The following TMEM233 variants were observed in gnomAD, a reference collection of about 807,000 sequenced individuals.
TMEM233 encodes the protein dispanin subfamily B member 2.
Under a neutral mutation model 11.2 loss-of-function variants are expected in TMEM233, and 6 were observed. The observed-to-expected ratio is 0.54, with a 90% confidence interval of 0.29 to 1.06. TMEM233 has a LOEUF of 1.06. TMEM233 is among the 50% of genes least tolerant of loss of function. The pLI is 0.08. For missense variants in TMEM233, 127 were observed against 144.7 expected (o/e 0.88, Z 0.63); for synonymous variants, 59 against 55.8 (o/e 1.06, Z -0.26).
chr12:119,618,186 T>G (rs568906582), intron 1 of TMEM233, among the ~76,000 whole-genome samples: 3 of 152,286 alleles, frequency 2.0e-5, no homozygotes, highest in Non-Finnish European at 1.5e-5. Flanking sequence ...CCTGAGGGTG[T>G]GCAGAAGACA....
At position 119,621,318 on chromosome 12, in the gene TMEM233, C is replaced by T. The variant is rs1954638115; in HGVS notation, c.187-8418C>T. On this transcript the variant is annotated intron_variant, in intron 1 of 2. Transcript: ENST00000426426. ...CCTCCCAAAGTGTTGGGATTACAGG[C>T]ATGAATCACTGCACCTGGCATCCAG... 4.6e-5 allele frequency among the ~76,000 whole-genome samples: 7 copies of T among 152,234 alleles called. No individual in the cohort carries two copies. In the South Asian group the frequency reaches 1.5e-3, roughly 32 times the overall value.
At chr12:119,616,853 G>A (rs1024091280) in intron 1 of TMEM233, among the ~76,000 whole-genome samples, 2 of 152,136 alleles carry the variant, frequency 1.3e-5, no homozygotes, top group Admixed American at 6.5e-5. Context: ...TTCCCCCTTC[G>A]CTCAGCACTC....
Position 119,593,936 on chromosome 12 carries a change from G to A in TMEM233, c.88G>A (p.Asp30Asn), listed in dbSNP as rs1353951298. The A allele has an allele frequency of 4.5e-6, 7 of 1,551,768 alleles. No homozygotes were observed. The highest frequency in any genetic ancestry group is 1.4e-5 in the African/African-American group (1 of 73,190). ...CACTGAAGATGACAAGACCGAGGAG[G>A]ACGTGCCCATGCCCAAGAACTACCT... ...ANTEDDKTEE[D>N]VPMPKNYLWL... The change falls in exon 1 of 3, where the codon GAC becomes AAC. Residue 30 changes from aspartate (D) to asparagine (N), a missense_variant. Physicochemically the swap from Asp to Asn is conservative, Grantham distance 23. Coordinates refer to ENST00000426426, the MANE Select transcript of TMEM233 (RefSeq NM_001136534.3). The surrounding 1 kb of genome is among the most constrained non-coding windows in gnomAD (Gnocchi z 4.1).
chr12:119,630,626 G>C (rs1954859433), intron 2 of TMEM233, among the ~76,000 whole-genome samples: 1 of 152,212 alleles, frequency 6.6e-6, no homozygotes, highest in African/African-American at 2.4e-5. Flanking sequence ...TTCAGATCTA[G>C]AACATGAGGT....
At position 119,643,069 on chromosome 12, in the gene TMEM233, C is replaced by T. The variant is rs184900008; in HGVS notation, c.*2364C>T. The T allele has an allele frequency of 9.9e-4, 151 of 152,314 alleles. No homozygotes were observed. Among genetic ancestry groups the T allele is most frequent in the African/African-American group, 3.6e-3 (148 of 41,566 alleles). 9.4% of individuals were successfully genotyped at this position (152,314 alleles called of 1,614,324 possible). ...AGAATAAAAATGGTTTTAAGTAAGC[C>T]TGTGTACCACAGTGTGTGAATTGTG... On this transcript the variant is annotated 3_prime_UTR_variant, in exon 3 of 3. Coordinates refer to ENST00000426426, the MANE Select transcript of TMEM233 (RefSeq NM_001136534.3).
intron 1 of TMEM233, among the ~76,000 whole-genome samples, chr12:119,605,576 G>A (rs143859147): frequency 0.015 from 2,217 of 151,752 alleles, 64 homozygotes; most frequent in African/African-American, 0.051. Context: ...CTATAGGCAC[G>A]CACCACCATG....
At chr12:119,623,379 C>T (rs1052974981) in intron 1 of TMEM233, among the ~76,000 whole-genome samples, 2 of 152,046 alleles carry the variant, frequency 1.3e-5, no homozygotes, top group Non-Finnish European at 2.9e-5. Context: ...TAATTCTAAA[C>T]TGGATTATGA....
At chr12:119,621,940 G>A (rs1954652407) in intron 1 of TMEM233, among the ~76,000 whole-genome samples, 1 of 152,116 alleles carries the variant, frequency 6.6e-6, no homozygotes, top group African/African-American at 2.4e-5. Context: ...ATCTGTTCCT[G>A]GAAAACAAAC....
intron 1 of TMEM233, among the ~76,000 whole-genome samples, chr12:119,615,971 G>A (rs1668887538): frequency 6.6e-6 from 1 of 152,176 alleles, no homozygotes; most frequent in Admixed American, 6.5e-5. Flanking sequence ...AATGGTCACC[G>A]TCACTTCTGA....
Position 119,594,198 on chromosome 12 carries a change from G to A in TMEM233, c.186+164G>A. On this transcript the variant is annotated intron_variant, in intron 1 of 2. Transcript: ENST00000426426. The surrounding 1 kb of genome is among the most constrained non-coding windows in gnomAD (Gnocchi z 5.6). ...CCTCCTCACCTTTCTCGGGCTCTCA[G>A]AGCTCTCCCCGCAATCATCAGCACC... 2 of 673,950 alleles carry A rather than the reference G, an allele frequency of 3.0e-6. No homozygotes were observed. The highest frequency in any genetic ancestry group is 1.9e-5 in the South Asian group (1 of 52,232). 41.7% of individuals were successfully genotyped at this position (673,950 alleles called of 1,614,324 possible). A position where few individuals can be genotyped will look rare whatever the true frequency, so the allele number is the denominator to read the frequency against.
At chr12:119,597,947 C>A (rs117267047) in intron 1 of TMEM233, among the ~76,000 whole-genome samples, 1 of 152,140 alleles carries the variant, frequency 6.6e-6, no homozygotes, top group Non-Finnish European at 1.5e-5. Flanking sequence ...CAGACACAGC[C>A]CTCCACCAGG....
rs1010402070 is a variant in TMEM233, at chr12:119,642,217, G to A, written c.*1512G>A. 3 of 152,128 alleles carry A rather than the reference G, an allele frequency of 2.0e-5. No homozygotes were observed. The highest frequency in any genetic ancestry group is 7.2e-5 in the African/African-American group (3 of 41,444). 9.4% of individuals were successfully genotyped at this position (152,128 alleles called of 1,614,324 possible). ...CGCCTGTAATCCCAGCAATTTGAGA[G>A]GCTGAGATCACTTAAGGTCAGGAGT... On this transcript the variant is annotated 3_prime_UTR_variant, in exon 3 of 3. Coordinates refer to ENST00000426426, the MANE Select transcript of TMEM233 (RefSeq NM_001136534.3).
chr12:119,614,411 C>CGA lies in TMEM233; in HGVS notation c.187-15301_187-15300dup, dbSNP rs57846015. On this transcript the variant is annotated intron_variant, in intron 1 of 2. Transcript: ENST00000426426. ...GAGAGAGAGAGAGACTCCATCTCAA[C>CGA]GAGAGAGAGAGAGAGAGAGAGAGAG... Among the ~76,000 whole-genome samples the CGA allele has an allele frequency of 9.5e-3, 1,365 of 143,346 alleles. 19 individuals carry two copies. The highest frequency in any genetic ancestry group is 0.028 in the African/African-American group (1,103 of 39,158). The allele number at this position is 143,346 out of a possible 152,430, so 94.0% of individuals were successfully genotyped here.
At chr12:119,612,440 C>T (rs1954418485) in intron 1 of TMEM233, among the ~76,000 whole-genome samples, 1 of 152,080 alleles carries the variant, frequency 6.6e-6, no homozygotes, top group Non-Finnish European at 1.5e-5. Flanking sequence ...CACGGCAAAA[C>T]CCCGTCTTCA....
rs1221905560 is a variant in TMEM233 at position 119,634,520 on chromosome 12, G to A, written c.323+4648G>A. On this transcript the variant is annotated intron_variant, in intron 2 of 2. Coordinates refer to ENST00000426426, the MANE Select transcript of TMEM233 (RefSeq NM_001136534.3). Reference sequence around the variant, plus strand: ...CCTAGCTATTTGGGAGGCGGAAGCAGGAGGATCTTTTGAGCCCAGGAGATT... The same window carrying A: ...CCTAGCTATTTGGGAGGCGGAAGCAAGAGGATCTTTTGAGCCCAGGAGATT... Among the ~76,000 whole-genome samples, 4 of 152,112 alleles carry A rather than the reference G, an allele frequency of 2.6e-5. No homozygotes were observed. In the East Asian group the frequency reaches 7.7e-4, roughly 29 times the overall value.
intron 1 of TMEM233, among the ~76,000 whole-genome samples, chr12:119,627,461 C>A (rs138250853): frequency 6.6e-6 from 1 of 152,172 alleles, no homozygotes; most frequent in Non-Finnish European, 1.5e-5. Context: ...TATCTTCTTC[C>A]GGTGAGGACT....
chr12:119,611,882 T>C (rs113171907), intron 1 of TMEM233, among the ~76,000 whole-genome samples: 100 of 152,276 alleles, frequency 6.6e-4, no homozygotes, highest in African/African-American at 2.1e-3. Flanking sequence ...ACCTATACAA[T>C]AGGAATATTA....
At position 119,628,409 on chromosome 12, in the gene TMEM233, C is replaced by T. The variant is rs541080375; in HGVS notation, c.187-1327C>T. 1.9e-3 allele frequency among the ~76,000 whole-genome samples: 285 copies of T among 151,860 alleles called. 1 individual carries two copies. The highest frequency in any genetic ancestry group is 6.3e-3 in the African/African-American group (260 of 41,418). On this transcript the variant is annotated intron_variant, in intron 1 of 2. Coordinates refer to ENST00000426426, the MANE Select transcript of TMEM233 (RefSeq NM_001136534.3). ...CTCCTGACCTCAGGTGATCCACCTG[C>T]CTCGACCTCCCAAAGTGCTGGGATT...
intron 1 of TMEM233, among the ~76,000 whole-genome samples, chr12:119,612,272 C>T (rs749028965): frequency 4.6e-5 from 7 of 151,680 alleles, no homozygotes; most frequent in East Asian, 2.0e-4. Flanking sequence ...GGATTACAGG[C>T]GTGAGCCACT....
Sources: gnomAD v4.1 joint callset for allele counts (sites outside exome capture counted in the v4.1 genomes callset) on GRCh38, gnomAD v4.1.1 for gene constraint, Gnocchi (gnomAD v3.1) non-coding constraint, MANE v1.5 for transcripts, NCBI Gene and HGNC (gene_info 2026-07-23, HGNC 2026-07-21) for gene names.